The following IL4I1 variants were observed in gnomAD, a reference collection of about 807,000 sequenced individuals.
IL4I1 encodes interleukin 4 induced 1, also known as L-amino-acid oxidase.
Under a neutral mutation model 29.7 loss-of-function variants are expected in IL4I1, and 24 were observed. The observed-to-expected ratio is 0.81, with a 90% confidence interval of 0.59 to 1.14. IL4I1 has a LOEUF of 1.14. Among genes scored for constraint, IL4I1 ranks in the 50% most tolerant of loss-of-function variants. The pLI, the probability that IL4I1 is intolerant of heterozygous loss-of-function variation, is 0.00. For missense variants in IL4I1, 686 were observed against 785.6 expected (o/e 0.87, Z 1.52); for synonymous variants, 371 against 352.5 (o/e 1.05, Z -0.59).
intron 5 of IL4I1, among the ~76,000 whole-genome samples, chr19:49,893,801 A>G (rs1403237538): frequency 6.6e-6 from 1 of 151,856 alleles, no homozygotes; most frequent in Non-Finnish European, 1.5e-5. Flanking sequence ...AGCCTGGCCA[A>G]GATGGTGAAA....
At chr19:49,925,267 A>T (rs1011711803) in intron 2 of IL4I1, among the ~76,000 whole-genome samples, 1 of 151,806 alleles carries the variant, frequency 6.6e-6, no homozygotes, top group African/African-American at 2.4e-5. Context: ...GTCTCAAAAA[A>T]CCAAAAAAAT....
chr19:49,895,706 C>T, intron 3 of IL4I1, 109 bp downstream of exon 3: 1 of 752,626 alleles, frequency 1.3e-6, no homozygotes, highest in South Asian at 1.5e-5. Context: ...TCTCCCCCCA[C>T]ATCCCCACCT....
At chr19:49,896,982 C>T, upstream of IL4I1, 1 of 667,220 alleles carries the variant, frequency 1.5e-6, no homozygotes, top group South Asian at 6.7e-5. Context: ...AACTGGTTTC[C>T]TGGAGCTGCT....
intron 7 of IL4I1, 45 bp downstream of exon 7, chr19:49,890,926 A>AT: frequency 3.5e-6 from 3 of 853,386 alleles, no homozygotes; most frequent in East Asian, 3.1e-5. Flanking sequence ...ACTTTCCCTG[A>AT]TTGCCCCCCG....
chr19:49,920,848 G>A (rs2075749843), intron 2 of IL4I1, among the ~76,000 whole-genome samples: 1 of 152,190 alleles, frequency 6.6e-6, no homozygotes, highest in South Asian at 2.1e-4. Flanking sequence ...GGGGAGGAAC[G>A]GCGCACACCT....
rs1412094403 is a variant in IL4I1 at position 49,890,539 on chromosome 19, C to T, written c.835G>A (p.Gly279Arg). 3.1e-6 allele frequency: 5 copies of T among 1,604,322 alleles called. No individual in the cohort carries two copies. Among genetic ancestry groups the T allele is most frequent in the Non-Finnish European group, 3.4e-6 (4 of 1,177,126 alleles). Reference protein sequence around the residue: ...LPRALLSSLSGLVLLNAPVVA... With the variant: ...LPRALLSSLSRLVLLNAPVVA... ...ACGGGCGCGTTCAACAGCACAAGCC[C>T]GGACAGCGAGCTCAGCAGCGCGCGC... is the stretch of plus-strand genomic sequence containing the variant. Residue 279 changes from glycine to arginine, a missense_variant, in exon 8 of 8, where the codon GGG (glycine) becomes AGG (arginine). By Grantham distance (125) the Gly-to-Arg change is moderately radical. Coordinates refer to ENST00000391826, the MANE Select transcript of IL4I1 (RefSeq NM_152899.2).
rs762041538 is a variant in IL4I1, at chr19:49,908,326, C to G, written c.-227-4005G>C. The stretch of plus-strand genomic sequence containing the variant: ...TCACCTCCTCCACCTTCCTCTGCAG[C>G]AGGGCCGAGTTCTGGTCGATCCACT... On this transcript the variant is annotated intron_variant, in intron 2 of 9. Coordinates refer to the IL4I1 transcript ENST00000341114. 6 of 1,614,036 alleles carry G rather than the reference C, an allele frequency of 3.7e-6. No individual in the cohort carries two copies. Among genetic ancestry groups the G allele is most frequent in the Non-Finnish European group, 5.1e-6 (6 of 1,180,030 alleles).
chr19:49,897,779 C>G (rs1290752), upstream of IL4I1, among the ~76,000 whole-genome samples: 37,202 of 150,672 alleles, frequency 0.25, 6,910 homozygotes, highest in African/African-American at 0.52. Flanking sequence ...GAGCCAGGGG[C>G]TCCGTGAGGA....
intron 2 of IL4I1, among the ~76,000 whole-genome samples, chr19:49,923,269 C>T (rs1185083903): frequency 3.3e-5 from 5 of 152,202 alleles, no homozygotes; most frequent in Admixed American, 6.5e-5. Context: ...CCTTCAACCC[C>T]GGCACCCCTG....
intron 3 of IL4I1, 118 bp from the exon 4 acceptor site, chr19:49,895,298 A>G (rs900333939): frequency 1.8e-5 from 13 of 728,920 alleles, no homozygotes; most frequent in Non-Finnish European, 3.0e-5. Flanking sequence ...GCCCAGACCC[A>G]GACTAGGAGA....
At chr19:49,899,975 C>CAGGT (rs371842291), upstream of IL4I1, among the ~76,000 whole-genome samples, 89 of 152,264 alleles carry the variant, frequency 5.8e-4, no homozygotes, top group African/African-American at 2.1e-3. Context: ...GCTGGGACCA[C>CAGGT]AGGTGCACAC....
upstream of IL4I1, among the ~76,000 whole-genome samples, chr19:49,898,067 T>C (rs2075234264): frequency 6.6e-6 from 1 of 152,206 alleles, no homozygotes; most frequent in South Asian, 2.1e-4. Flanking sequence ...ACGCCTATAA[T>C]CCCAGCACTT....
At position 49,889,961 on chromosome 19, in the gene IL4I1, G is replaced by A; in HGVS notation, c.1413C>T (p.Val471=). Residue 471 remains valine (V), a synonymous_variant, in exon 8 of 8, where the codon GTC becomes GTT. Coordinates refer to ENST00000391826, the MANE Select transcript of IL4I1 (RefSeq NM_152899.2). The part of the protein sequence containing the change: ...LWQTEKDDWT[V]PYGRIYFAGE... ...CGGCAAAGTAGATGCGGCCATAAGGGACCGTCCAGTCATCCTTTTCGGTTT... is the reference window on the plus strand; with the variant it reads ...CGGCAAAGTAGATGCGGCCATAAGGAACCGTCCAGTCATCCTTTTCGGTTT... 1 of 1,587,680 alleles carries A rather than the reference G, an allele frequency of 6.3e-7. No homozygotes were observed.
chr19:49,898,511 C>T (rs1057192081), upstream of IL4I1, among the ~76,000 whole-genome samples: 21 of 152,052 alleles, frequency 1.4e-4, no homozygotes, highest in African/African-American at 4.6e-4. Flanking sequence ...GTTCCCATGG[C>T]GATCACCTGC....
At chr19:49,913,844 G>A (rs576467365) in intron 2 of IL4I1, among the ~76,000 whole-genome samples, 9 of 152,114 alleles carry the variant, frequency 5.9e-5, no homozygotes, top group Non-Finnish European at 7.3e-5. Context: ...CCATGCTAAC[G>A]GTTCGGGCGT....
Position 49,894,361 on chromosome 19 carries a change from C to T in IL4I1, c.474G>A (p.Val158=). The change falls in exon 5 of 8, where the codon GTG becomes GTA. Residue 158 remains valine (V), a synonymous_variant. Coordinates refer to ENST00000391826, the MANE Select transcript of IL4I1 (RefSeq NM_152899.2). The part of the protein sequence containing the change: ...EVHEVKLRNY[V]VEKVPEKLGY... ...CCAGCTTCTCGGGCACCTTCTCCAC[C>T]ACATAGTTGCGCAGCTTCACTTCGT... The T allele has an allele frequency of 6.2e-7, 1 of 1,614,234 alleles. No homozygotes were observed. Among genetic ancestry groups the T allele is most frequent in the African/African-American group, 1.3e-5 (1 of 75,050 alleles).
chr19:49,904,487 T>C (rs1256692994), intron 2 of IL4I1, among the ~76,000 whole-genome samples: 3 of 152,168 alleles, frequency 2.0e-5, no homozygotes, highest in Admixed American at 2.0e-4. Flanking sequence ...TTTAATGGAA[T>C]CACTTGTGTT....
At chr19:49,891,145 A>G in intron 6 of IL4I1, 38 bp from the exon 7 acceptor site, 1 of 1,601,210 alleles carries the variant, frequency 6.2e-7, no homozygotes, top group East Asian at 2.2e-5. Flanking sequence ...GGGCCCAGGC[A>G]GGCTGCACCC....
In IL4I1 at chr19:49,921,940, T is replaced by C. The variant is rs576694065; in HGVS notation, c.-228+5754A>G. On this transcript the variant is annotated intron_variant, in intron 2 of 9. Coordinates refer to the IL4I1 transcript ENST00000341114. This position sits in a 1 kb window ranked among gnomAD's most constrained non-coding sequence, Gnocchi z 5.4. ...TTCCATCTTGGCAGGATGAGTGCAT[T>C]TGCTGCGAGAAAGCAGCCCCGACGG... Among the ~76,000 whole-genome samples the C allele has an allele frequency of 1.4e-4, 21 of 152,332 alleles. No homozygotes were observed. In the South Asian group the frequency reaches 4.3e-3, roughly 32 times the overall value.
Sources: gnomAD v4.1 joint callset for allele counts (sites outside exome capture counted in the v4.1 genomes callset) on GRCh38, gnomAD v4.1.1 for gene constraint, Gnocchi (gnomAD v3.1) non-coding constraint, MANE v1.5 for transcripts, NCBI Gene and HGNC (gene_info 2026-07-23, HGNC 2026-07-21) for gene names.